TASP1: variants seen among roughly 807,000 people sequenced by gnomAD.
TASP1 encodes the protein taspase 1, also known as threonine aspartase 1.
TASP1 carries 16 observed loss-of-function variants against 56.6 expected under a neutral mutation model. The ratio of observed to expected loss-of-function variants is 0.28; its 90% confidence interval spans 0.19 to 0.43. TASP1 has a LOEUF of 0.43. Among genes scored for constraint, TASP1 ranks in the 20% least tolerant of loss-of-function variants. The pLI, the probability that TASP1 is intolerant of heterozygous loss-of-function variation, is 1.00. For missense variants in TASP1, 393 were observed against 511.6 expected (o/e 0.77, Z 2.24); for synonymous variants, 179 against 184.2 (o/e 0.97, Z 0.23).
chr20:13,437,041 CAG>C (rs1221361460), intron 11 of TASP1, among the ~76,000 whole-genome samples: 2 of 152,002 alleles, frequency 1.3e-5, no homozygotes, highest in Non-Finnish European at 2.9e-5. Flanking sequence ...CAAAGCCTGG[CAG>C]AGACACAACA....
chr20:13,471,883 G>C (rs1600905715), intron 11 of TASP1, among the ~76,000 whole-genome samples: 1 of 152,158 alleles, frequency 6.6e-6, no homozygotes, highest in East Asian at 1.9e-4. Flanking sequence ...CCTCATCCAG[G>C]AAGCGCAAGG....
At chr20:13,346,830 G>A in the TASP1 span, among the ~76,000 whole-genome samples, 4 of 152,180 alleles carry the variant, frequency 2.6e-5, no homozygotes, top group African/African-American at 4.8e-5. Context: ...CCCTTTCCAG[G>A]AGGGCATTTC....
At chr20:13,151,097 T>C in the TASP1 span, among the ~76,000 whole-genome samples, 1 of 152,206 alleles carries the variant, frequency 6.6e-6, no homozygotes, top group Non-Finnish European at 1.5e-5. Context: ...TGTTACTGAC[T>C]CACCTTGCAC....
intron 4 of TASP1, among the ~76,000 whole-genome samples, chr20:13,611,347 AT>A (rs1437425812): frequency 6.6e-6 from 1 of 152,154 alleles, no homozygotes; most frequent in Non-Finnish European, 1.5e-5. Flanking sequence ...GTTCAACCTT[AT>A]TTGGGTCACC....
chr20:13,429,476 ATTT>A (rs563660526), intron 12 of TASP1, among the ~76,000 whole-genome samples: 133 of 149,058 alleles, frequency 8.9e-4, no homozygotes, highest in Non-Finnish European at 1.3e-3. Context: ...TTTGTCAATT[ATTT>A]TTTTTTTTTA....
At chr20:13,622,574 C>T (rs1331429170) in intron 4 of TASP1, among the ~76,000 whole-genome samples, 3 of 152,104 alleles carry the variant, frequency 2.0e-5, no homozygotes, top group East Asian at 1.9e-4. Flanking sequence ...TAATGGTAAA[C>T]ACCTGGGCAA....
At chr20:13,220,169 G>A in the TASP1 span, among the ~76,000 whole-genome samples, 1 of 152,144 alleles carries the variant, frequency 6.6e-6, no homozygotes, top group Non-Finnish European at 1.5e-5. Context: ...GGAAGGGAGG[G>A]AACGGGTAGG....
intron 4 of TASP1, among the ~76,000 whole-genome samples, chr20:13,604,032 T>C (rs1343174044): frequency 6.6e-6 from 1 of 152,162 alleles, no homozygotes; most frequent in African/African-American, 2.4e-5. Flanking sequence ...GAATCTCCCC[T>C]TACCTGTGAT....
chr20:13,160,248 A>G, the TASP1 span: 1 of 1,280,596 alleles, frequency 7.8e-7, no homozygotes, highest in Non-Finnish European at 1.0e-6. Context: ...TTAGGAAAAC[A>G]ACACTGACAA....
chr20:13,324,685 C>T, the TASP1 span, among the ~76,000 whole-genome samples: 36 of 152,276 alleles, frequency 2.4e-4, no homozygotes, highest in South Asian at 7.3e-3. Context: ...GTCTTCACAC[C>T]GCTTTCAATT....
chr20:13,389,705 G>A lies in TASP1; in HGVS notation c.*655C>T, dbSNP rs1400346623. The A allele has an allele frequency of 6.5e-6, 1 of 152,786 alleles. No homozygotes were observed. The highest frequency in any genetic ancestry group is 1.5e-5 in the Non-Finnish European group (1 of 68,228). The allele number at this position is 152,786 out of a possible 1,614,324, so 9.5% of individuals were successfully genotyped here. ...AAGCTTGATGAAATAAGTACAAACT[G>A]TATCAATCAGACTATTATTTAAAAA... On this transcript the variant is annotated 3_prime_UTR_variant, in exon 14 of 14. Coordinates refer to ENST00000337743, the MANE Select transcript of TASP1 (RefSeq NM_017714.3).
At chr20:13,539,287 T>C (rs1170943995) in intron 8 of TASP1, among the ~76,000 whole-genome samples, 1 of 152,148 alleles carries the variant, frequency 6.6e-6, no homozygotes, top group East Asian at 1.9e-4. Flanking sequence ...TGCAACACTA[T>C]ACAAATTGGT....
the TASP1 span, chr20:13,245,120 T>A: frequency 8.1e-4 from 123 of 152,362 alleles, no homozygotes; most frequent in African/African-American, 2.9e-3. Context: ...TTCCTTCTTG[T>A]ATTGGTTATC....
intron 10 of TASP1, among the ~76,000 whole-genome samples, chr20:13,495,680 G>C (rs1359964614): frequency 6.6e-6 from 1 of 152,062 alleles, no homozygotes; most frequent in Non-Finnish European, 1.5e-5. Context: ...TACAATTTGG[G>C]ACTCTTCAAG....
chr20:13,211,676 T>C, the TASP1 span, among the ~76,000 whole-genome samples: 1 of 152,158 alleles, frequency 6.6e-6, no homozygotes, highest in East Asian at 1.9e-4. Context: ...GAGAGCCACA[T>C]AGGAGGCTGT....
the TASP1 span, among the ~76,000 whole-genome samples, chr20:13,123,644 T>A: frequency 6.6e-6 from 1 of 152,194 alleles, no homozygotes; most frequent in Admixed American, 6.5e-5. Flanking sequence ...TCAGAAGCAC[T>A]GGCTTCTCCC....
At chr20:13,548,239 T>C (rs2045872965) in intron 8 of TASP1, among the ~76,000 whole-genome samples, 1 of 152,066 alleles carries the variant, frequency 6.6e-6, no homozygotes, top group African/African-American at 2.4e-5. Context: ...ACTGTACTTT[T>C]AGAAAACTTC....
rs200376845 is a variant in TASP1 at position 13,473,999 on chromosome 20, A to AG, written c.985+9227dup. Among the ~76,000 whole-genome samples, 611 of 152,282 alleles carry AG rather than the reference A, an allele frequency of 4.0e-3. 22 individuals are homozygous for AG. The East Asian group carries it at 0.078, about 19-fold the overall frequency. On this transcript the variant is annotated intron_variant, in intron 11 of 13. Coordinates refer to ENST00000337743, the MANE Select transcript of TASP1 (RefSeq NM_017714.3). ...TGAGGCGCAAGGACCGCTAGAGCCCAGGGGGGTTGTAAGTTACAGGGAGCT... is the reference window on the plus strand; with the variant it reads ...TGAGGCGCAAGGACCGCTAGAGCCCAGGGGGGGTTGTAAGTTACAGGGAGCT...
At chr20:13,229,133 C>A in the TASP1 span, among the ~76,000 whole-genome samples, 7 of 146,410 alleles carry the variant, frequency 4.8e-5, no homozygotes, top group African/African-American at 1.5e-4. Context: ...TATCTTTCTT[C>A]TCTTCTCTCT....
Sources: allele counts gnomAD v4.1 joint callset (sites outside exome capture counted in the v4.1 genomes callset), GRCh38; gene constraint gnomAD v4.1.1; transcripts MANE v1.5; gene names NCBI Gene and HGNC (gene_info 2026-07-23, HGNC 2026-07-21).